Variants in NOP58 observed in about 807,000 individuals in gnomAD.
NOP58 encodes nucleolar protein 58.
A neutral mutation model predicts 71.2 loss-of-function variants in NOP58; 44 were observed. The observed-to-expected ratio is 0.62, with a 90% CI of 0.49 to 0.79. NOP58 has a LOEUF of 0.79. Among genes scored for constraint, NOP58 ranks in the 30% least tolerant of loss-of-function variants. The pLI, the probability that NOP58 is intolerant of heterozygous loss-of-function variation, is 0.00. For missense variants in NOP58, 538 were observed against 620.2 expected (o/e 0.87, Z 1.41); for synonymous variants, 228 against 200.3 (o/e 1.14, Z -1.17).
chr2:202,271,249 A>G (rs1386380812), intron 1 of NOP58, among the ~76,000 whole-genome samples: 2 of 152,010 alleles, frequency 1.3e-5, no homozygotes, highest in Non-Finnish European at 2.9e-5. Flanking sequence ...TGACAGGTCA[A>G]TTGGGAGTGT....
At chr2:202,284,185 A>G in intron 4 of NOP58, 160 bp from the exon 5 acceptor site, 1 of 548,316 alleles carries the variant, frequency 1.8e-6, no homozygotes. Context: ...AGACAGGAGA[A>G]TCTCTTGAAC....
At position 202,283,566 on chromosome 2, in the gene NOP58, G is replaced by A. The variant is rs572533227; in HGVS notation, c.298-779G>A. ...AGTGATTCTCCTGCCTCAGCCTCCC[G>A]AGTAGCTGGGACTATAGGCACCTGC... On this transcript the variant is annotated intron_variant, in intron 4 of 14. Transcript: ENST00000264279. 9.2e-5 allele frequency among the ~76,000 whole-genome samples: 14 copies of A among 151,402 alleles called. No individual in the cohort carries two copies. The East Asian group carries it at 2.5e-3, about 28-fold the overall frequency.
chr2:202,291,463 A>G (rs772737840), intron 8 of NOP58, 193 bp downstream of exon 8: 25 of 409,102 alleles, frequency 6.1e-5, no homozygotes, highest in Non-Finnish European at 9.1e-5. Flanking sequence ...ATTAAAAGGA[A>G]GTAATTTACA....
At chr2:202,297,968 A>G (rs1689022110) in intron 12 of NOP58, 62 bp downstream of exon 12, 4 of 1,036,622 alleles carry the variant, frequency 3.9e-6, no homozygotes, top group Middle Eastern at 4.3e-4. Context: ...ATTGACAGTA[A>G]TTTTTTATTG....
chr2:202,302,072 CTTTTTT>C (rs1187670961), intron 13 of NOP58, among the ~76,000 whole-genome samples: 1 of 119,118 alleles, frequency 8.4e-6, no homozygotes, highest in South Asian at 2.7e-4. Flanking sequence ...TTTTCTTTTT[CTTTTTT>C]TTTTCTTTTT....
rs578049121 is a variant in NOP58 at position 202,265,908 on chromosome 2, G to T, written c.-34G>T. 1.2e-6 allele frequency: 2 copies of T among 1,613,992 alleles called. No homozygotes were observed. Among genetic ancestry groups the T allele is most frequent in the East Asian group, 2.2e-5 (1 of 44,878 alleles). ...TTTTTGAACTGACTCTACAGCTTCT[G>T]GCAGGCCGTGCGGCGCCCTGACCCG... is the stretch of plus-strand genomic sequence containing the variant. On this transcript the variant is annotated 5_prime_UTR_variant, in exon 1 of 15. Transcript: ENST00000264279.
chr2:202,275,338 T>TACA (rs2105839516), intron 2 of NOP58, 149 bp downstream of exon 2: 1 of 564,540 alleles, frequency 1.8e-6, no homozygotes, highest in Non-Finnish European at 3.2e-6. Flanking sequence ...ACCTAATTAT[T>TACA]ACAAATGTTT....
chr2:202,287,586 A>C, intron 5 of NOP58, 74 bp from the exon 6 acceptor site: 1 of 1,204,816 alleles, frequency 8.3e-7, no homozygotes, highest in South Asian at 1.3e-5. Context: ...AAAACAAAAA[A>C]AAACTTTAAG....
chr2:202,288,436 C>T lies in NOP58; in HGVS notation c.499+712C>T, dbSNP rs753023732. On this transcript the variant is annotated intron_variant, in intron 6 of 14. Transcript: ENST00000264279. ...GAGGCAGAGGTTGTAGTGAGTTGAT[C>T]GTGCCATTGCACTCCAGCCTGGGCA... 6.2e-4 allele frequency among the ~76,000 whole-genome samples: 91 copies of T among 146,932 alleles called. 1 individual carries two copies. The highest frequency in any genetic ancestry group is 1.9e-3 in the Admixed American group (28 of 14,548).
At chr2:202,293,072 T>C in intron 9 of NOP58, 169 bp downstream of exon 9, 1 of 805,236 alleles carries the variant, frequency 1.2e-6, no homozygotes, top group South Asian at 1.3e-5. Context: ...TGATTTCTAT[T>C]TGTTTGCCTG....
chr2:202,303,047 C>T lies in NOP58; in HGVS notation c.1529C>T (p.Thr510Ile), dbSNP rs537363977. The change falls in exon 14 of 15, where the codon ACA becomes ATA. Residue 510 changes from threonine (T) to isoleucine (I), a missense_variant. Thr to Ile is a moderately conservative substitution (Grantham distance 89, BLOSUM62 -1). Transcript: ENST00000264279. Reference protein sequence around the residue: ...PLSEEEPCTSTAIASPEKKKK... With the variant: ...PLSEEEPCTSIAIASPEKKKK... ...TCTGAGGAAGAACCATGTACCAGCA[C>T]AGCAATTGCTGTATGTTTGTTTTTA... The T allele has an allele frequency of 1.9e-6, 3 of 1,610,658 alleles. No homozygotes were observed. The highest frequency in any genetic ancestry group is 1.7e-5 in the Admixed American group (1 of 59,564).
At chr2:202,285,231 G>A (rs1043843516) in intron 5 of NOP58, among the ~76,000 whole-genome samples, 4 of 151,770 alleles carry the variant, frequency 2.6e-5, no homozygotes, top group South Asian at 2.1e-4. Flanking sequence ...TAGTAGAGAC[G>A]GGCTTTCACC....
chr2:202,285,409 T>C (rs1370254062), intron 5 of NOP58, among the ~76,000 whole-genome samples: 4 of 142,178 alleles, frequency 2.8e-5, no homozygotes, highest in African/African-American at 1.1e-4. Context: ...GGTGCAGTGG[T>C]GCGATCTTGG....
At chr2:202,283,144 T>G (rs1024801598) in intron 4 of NOP58, among the ~76,000 whole-genome samples, 2 of 152,190 alleles carry the variant, frequency 1.3e-5, no homozygotes, top group Non-Finnish European at 2.9e-5. Flanking sequence ...CACTGCAGAC[T>G]TGACCTCCTG....
At chr2:202,303,089 TG>T in intron 14 of NOP58, 32 bp downstream of exon 14, 11 of 1,600,468 alleles carry the variant, frequency 6.9e-6, no homozygotes, top group Non-Finnish European at 8.5e-6. Context: ...GGTTTTCACT[TG>T]GAGGGGCCAG....
At chr2:202,287,988 C>T (rs747386960) in intron 6 of NOP58, among the ~76,000 whole-genome samples, 1 of 151,812 alleles carries the variant, frequency 6.6e-6, no homozygotes, top group Non-Finnish European at 1.5e-5. Context: ...GTGGCGTGTA[C>T]CTATAATCCC....
At chr2:202,292,118 C>T (rs1330867303) in intron 8 of NOP58, among the ~76,000 whole-genome samples, 2 of 150,190 alleles carry the variant, frequency 1.3e-5, no homozygotes, top group Non-Finnish European at 3.0e-5. Flanking sequence ...CTCAGCCTCC[C>T]GAGTAGCTGG....
At chr2:202,282,289 G>A in intron 3 of NOP58, 62 bp from the exon 4 acceptor site, 1 of 1,455,180 alleles carries the variant, frequency 6.9e-7, no homozygotes, top group Non-Finnish European at 9.3e-7. Context: ...TGTCAACTAG[G>A]GCAAGGTCTC....
rs1348503159 is a variant in NOP58 at position 202,303,278 on chromosome 2, A to T, written c.1540-108A>T. The T allele has an allele frequency of 2.6e-6, 4 of 1,511,678 alleles. No individual in the cohort carries two copies. In the East Asian group the frequency reaches 6.8e-5, roughly 26 times the overall value. 93.6% of individuals were successfully genotyped at this position (1,511,678 alleles called of 1,614,324 possible). On this transcript the variant is annotated intron_variant, in intron 14 of 14. Transcript: ENST00000264279. ...AGTTTGCATTGAGGGGAGGAGTATG[A>T]TTTGCTCAAGCTTACTTTTTTTATA...
Sources: allele counts gnomAD v4.1 joint callset (sites outside exome capture counted in the v4.1 genomes callset), GRCh38; gene constraint gnomAD v4.1.1; transcripts MANE v1.5; gene names NCBI Gene and HGNC (gene_info 2026-07-23, HGNC 2026-07-21).